TENM2: variants seen among roughly 807,000 people sequenced by gnomAD.
TENM2 encodes teneurin transmembrane protein 2.
TENM2 carries 52 observed loss-of-function variants against 245.2 expected under a neutral mutation model. That is an observed-to-expected ratio of 0.21 (90% CI 0.17 to 0.27). TENM2 has a LOEUF of 0.27. Among genes scored for constraint, TENM2 ranks in the 10% least tolerant of loss-of-function variants. The probability of loss-of-function intolerance (pLI) is 1.00; values close to 1 mark genes in which losing one functional copy is unlikely to be tolerated. For missense variants in TENM2, 3,046 were observed against 3,666.8 expected, an observed-to-expected ratio of 0.83 and a Z score of 4.37; for synonymous variants, 1,363 against 1,438.9, an observed-to-expected ratio of 0.95 and a Z score of 1.19.
chr5:167,833,122 G>A (rs1768657453), intron 2 of TENM2, among the ~76,000 whole-genome samples: 1 of 152,012 alleles, frequency 6.6e-6, no homozygotes, highest in Non-Finnish European at 1.5e-5. Context: ...TGGGAAACAA[G>A]ACATTTTTCC....
the TENM2 span, among the ~76,000 whole-genome samples, chr5:167,002,663 A>C: frequency 6.6e-6 from 1 of 151,954 alleles, no homozygotes; most frequent in Non-Finnish European, 1.5e-5. Context: ...AAAACCAAAA[A>C]AACAAAAAAA....
chr5:167,754,512 T>C (rs766135137), intron 2 of TENM2, among the ~76,000 whole-genome samples: 1 of 152,166 alleles, frequency 6.6e-6, no homozygotes, highest in Non-Finnish European at 1.5e-5. Flanking sequence ...TCAACAGGAA[T>C]GCGCACATGG....
intron 12 of TENM2, among the ~76,000 whole-genome samples, chr5:168,162,030 AC>A (rs1442712103): frequency 6.6e-6 from 1 of 152,176 alleles, no homozygotes. Flanking sequence ...TAAGCAGCCA[AC>A]ATCTTTAAGT....
chr5:167,454,452 C>CTGTG (rs5873036), intron 2 of TENM2, among the ~76,000 whole-genome samples: 53,802 of 150,392 alleles, frequency 0.36, 9,634 homozygotes, highest in Middle Eastern at 0.44. Context: ...CTAGAAATAA[C>CTGTG]TGTGTGTGTG....
chr5:168,241,369 C>T (rs1766086843), intron 25 of TENM2, among the ~76,000 whole-genome samples: 1 of 151,780 alleles, frequency 6.6e-6, no homozygotes, highest in Non-Finnish European at 1.5e-5. Context: ...AATTCTCCTG[C>T]TCAGCCTTTT....
chr5:167,178,988 A>G, the TENM2 span, among the ~76,000 whole-genome samples: 3 of 152,196 alleles, frequency 2.0e-5, no homozygotes, highest in Admixed American at 6.5e-5. Context: ...AACCTTATAT[A>G]CATCAATGAG....
chr5:167,714,775 C>T (rs949118536), intron 2 of TENM2, among the ~76,000 whole-genome samples: 1 of 152,112 alleles, frequency 6.6e-6, no homozygotes, highest in African/African-American at 2.4e-5. Context: ...CTTATCACTC[C>T]AACCCAGACC....
At chr5:167,551,978 G>A (rs1246619923) in intron 2 of TENM2, among the ~76,000 whole-genome samples, 1 of 152,180 alleles carries the variant, frequency 6.6e-6, no homozygotes, top group Non-Finnish European at 1.5e-5. Context: ...CAGCTCCTTG[G>A]CAATTGTTCT....
intron 15 of TENM2, among the ~76,000 whole-genome samples, chr5:168,195,789 G>C (rs1275985164): frequency 6.6e-6 from 1 of 152,020 alleles, no homozygotes; most frequent in Non-Finnish European, 1.5e-5. Context: ...ACTGTTTGGA[G>C]GGGGTGGCGT....
intron 2 of TENM2, among the ~76,000 whole-genome samples, chr5:167,765,916 G>A (rs1231548149): frequency 6.6e-6 from 1 of 152,148 alleles, no homozygotes; most frequent in Non-Finnish European, 1.5e-5. Context: ...GATATGTATT[G>A]AAGACCTACT....
chr5:167,587,219 T>A (rs531845416), intron 2 of TENM2, among the ~76,000 whole-genome samples: 2 of 152,320 alleles, frequency 1.3e-5, no homozygotes, highest in Middle Eastern at 3.4e-3. Context: ...TCTTTCTATA[T>A]CTTTAAGGCC....
rs556692808 is a variant in TENM2 at position 168,260,452 on chromosome 5, A to G, written c.7563+39A>G. On this transcript the variant is annotated intron_variant, in intron 28 of 28. Transcript: ENST00000518659. ...CCTGCCAAGAATCCAAATGATTGTCATCATTCCCTTTTGCAAACAGAACCT... is the reference window on the plus strand; with the variant it reads ...CCTGCCAAGAATCCAAATGATTGTCGTCATTCCCTTTTGCAAACAGAACCT... 8 of 1,608,910 alleles carry G rather than the reference A, an allele frequency of 5.0e-6. No homozygotes were observed. In the South Asian group the frequency reaches 7.7e-5, roughly 16 times the overall value.
exon 29 of TENM2, chr5:168,262,516 C>T: frequency 2.6e-6 from 4 of 1,556,104 alleles, no homozygotes; most frequent in Middle Eastern, 1.7e-4. Context: ...CGCTGCTGCT[C>T]AGCATCCGCT....
At chr5:167,783,896 A>C (rs531863258) in intron 2 of TENM2, among the ~76,000 whole-genome samples, 2 of 152,000 alleles carry the variant, frequency 1.3e-5, no homozygotes, top group Non-Finnish European at 2.9e-5. Flanking sequence ...GGCCTTGGTC[A>C]AGCTTAGAGG....
chr5:167,746,710 A>AGAGCGAGC lies in TENM2; in HGVS notation c.503-129273_503-129272insCGAGCGAG, dbSNP rs1554109881. Among the ~76,000 whole-genome samples the AGAGCGAGC allele has an allele frequency of 4.1e-5, 6 of 144,862 alleles. 1 individual carries two copies. Among genetic ancestry groups the AGAGCGAGC allele is most frequent in the Non-Finnish European group, 7.6e-5 (5 of 66,064 alleles). Reference sequence around the variant, plus strand: ...GAGAGAGAGAGAGAGAGAGAGAGAGAGAGAGCTGGACTCTACACAATTAGT... The same window carrying AGAGCGAGC: ...GAGAGAGAGAGAGAGAGAGAGAGAGAGAGCGAGCGAGAGCTGGACTCTACACAATTAGT... On this transcript the variant is annotated intron_variant, in intron 2 of 28. Transcript: ENST00000518659.
chr5:168,107,024 C>T (rs557243401), intron 9 of TENM2, among the ~76,000 whole-genome samples: 4 of 152,112 alleles, frequency 2.6e-5, no homozygotes, highest in African/African-American at 9.7e-5. Context: ...TTTGCCACTG[C>T]ACTCCAGCCT....
intron 7 of TENM2, chr5:168,088,138 T>A (rs2152235717): frequency 6.6e-6 from 1 of 152,276 alleles, no homozygotes; most frequent in Admixed American, 6.5e-5. Context: ...TAATGAGCAA[T>A]GGCCCCACAC....
intron 2 of TENM2, among the ~76,000 whole-genome samples, chr5:167,516,964 A>G (rs538144182): frequency 6.6e-6 from 1 of 152,350 alleles, no homozygotes; most frequent in South Asian, 2.1e-4. Context: ...TGCATGGAAA[A>G]GAGCCAAGTT....
chr5:167,591,122 G>T (rs1055005926), intron 2 of TENM2, among the ~76,000 whole-genome samples: 1 of 152,176 alleles, frequency 6.6e-6, no homozygotes, highest in Admixed American at 6.5e-5. Flanking sequence ...TTTGTAAGAT[G>T]TAACCCATAG....
Sources: gnomAD v4.1 joint callset for allele counts (sites outside exome capture counted in the v4.1 genomes callset) on GRCh38, gnomAD v4.1.1 for gene constraint, MANE v1.5 for transcripts, NCBI Gene and HGNC (gene_info 2026-07-23, HGNC 2026-07-21) for gene names.